Variants in SPPL2B observed in about 807,000 individuals in gnomAD.
SPPL2B encodes the protein signal peptide peptidase-like 2B.
SPPL2B carries 39 observed loss-of-function variants against 59.7 expected under a neutral mutation model. The ratio of observed to expected loss-of-function variants is 0.65; its 90% CI spans 0.51 to 0.85. SPPL2B has a LOEUF of 0.85. Ranked by LOEUF, SPPL2B falls within the 40% of genes least tolerant of loss-of-function variation. The pLI, the probability that SPPL2B is intolerant of heterozygous loss-of-function variation, is 0.00. For missense variants in SPPL2B, 865 were observed against 849.0 expected, an observed-to-expected ratio of 1.02 and a Z score of -0.23; for synonymous variants, 419 against 370.8, an observed-to-expected ratio of 1.13 and a Z score of -1.49.
intron 14 of SPPL2B, among the ~76,000 whole-genome samples, chr19:2,352,714 C>T (rs1398693172): frequency 2.0e-5 from 3 of 152,182 alleles, no homozygotes; most frequent in African/African-American, 7.2e-5. Flanking sequence ...TGCACAGCTC[C>T]CAGCCTCTGC....
At position 2,347,150 on chromosome 19, in the gene SPPL2B, C is replaced by CGCCTG. The variant is rs1568447752; in HGVS notation, c.1354+1820_1354+1821insGCCTG. On this transcript the variant is annotated intron_variant, in intron 13 of 14. Transcript: ENST00000613503. ...CCACACACACTTACGCGCTCTCATT[C>CGCCTG]ACCTGATTCCGTTCTCTCTCCACAC... is the stretch of plus-strand genomic sequence containing the variant. Among the ~76,000 whole-genome samples, 107 of 146,658 alleles carry CGCCTG rather than the reference C, an allele frequency of 7.3e-4. 4 individuals are homozygous for CGCCTG. Among genetic ancestry groups the CGCCTG allele is most frequent in the Non-Finnish European group, 1.1e-3 (71 of 67,314 alleles).
intron 8 of SPPL2B, chr19:2,341,358 C>T (rs576508751): frequency 1.8e-5 from 9 of 508,568 alleles, no homozygotes; most frequent in African/African-American, 5.7e-5. Flanking sequence ...CTGGCACCCA[C>T]GTGCACGCCG....
At chr19:2,336,400 G>A (rs1043639313) in intron 2 of SPPL2B, among the ~76,000 whole-genome samples, 1 of 152,110 alleles carries the variant, frequency 6.6e-6, no homozygotes, top group Non-Finnish European at 1.5e-5. Flanking sequence ...CTGTGTGTAT[G>A]TGTGTGTACA....
intron 2 of SPPL2B, among the ~76,000 whole-genome samples, chr19:2,334,988 C>T (rs1031542710): frequency 3.3e-5 from 5 of 152,094 alleles, no homozygotes; most frequent in African/African-American, 2.4e-5. Flanking sequence ...CTGCTCCATG[C>T]CGGGGACCCT....
chr19:2,339,776 G>A, intron 5 of SPPL2B, 48 bp from the exon 6 acceptor site: 1 of 1,583,146 alleles, frequency 6.3e-7, no homozygotes, highest in African/African-American at 1.3e-5. Context: ...CGAGCCCCGT[G>A]TCGGCCAGCC....
intron 13 of SPPL2B, among the ~76,000 whole-genome samples, chr19:2,347,319 TCA>T (rs1195254120): frequency 3.5e-5 from 3 of 86,674 alleles, no homozygotes; most frequent in Non-Finnish European, 4.7e-5. Context: ...CCACACACAC[TCA>T]CGCGCTCTCA....
intron 13 of SPPL2B, among the ~76,000 whole-genome samples, chr19:2,345,935 G>A (rs1489491564): frequency 6.6e-6 from 1 of 151,318 alleles, no homozygotes; most frequent in African/African-American, 2.4e-5. Flanking sequence ...TTCTCCCTGG[G>A]CCTGTGCCTC....
intron 13 of SPPL2B, among the ~76,000 whole-genome samples, chr19:2,350,766 G>A (rs1466547653): frequency 6.6e-6 from 1 of 152,268 alleles, no homozygotes; most frequent in Non-Finnish European, 1.5e-5. Context: ...CAGGACGCGG[G>A]TGGGTTCTAG....
intron 14 of SPPL2B, among the ~76,000 whole-genome samples, chr19:2,352,286 G>C (rs2145213593): frequency 6.6e-6 from 1 of 152,288 alleles, no homozygotes; most frequent in East Asian, 1.9e-4. Context: ...GCGCCTCTTG[G>C]AGTCCATGAC....
chr19:2,339,726 C>G lies in SPPL2B; in HGVS notation c.600-98C>G, dbSNP rs1215296385. The G allele has an allele frequency of 1.2e-5, 17 of 1,446,970 alleles. No individual in the cohort carries two copies. In the South Asian group the frequency reaches 2.1e-4, roughly 18 times the overall value. The allele number at this position is 1,446,970 out of a possible 1,614,324, so 89.6% of individuals were successfully genotyped here. ...TCCCCCCCGGGTCCCCTCCTGCTCC[C>G]GGGTTTTCTGCCCCGTTCCCCCGGG... On this transcript the variant is annotated intron_variant, in intron 5 of 14. Coordinates refer to ENST00000613503, the MANE Select transcript of SPPL2B (RefSeq NM_152988.3).
chr19:2,353,254 T>C lies in SPPL2B; in HGVS notation c.*45T>C, dbSNP rs1047584091. 5.8e-6 allele frequency: 9 copies of C among 1,560,000 alleles called. No individual in the cohort carries two copies. Among genetic ancestry groups the C allele is most frequent in the African/African-American group, 1.4e-5 (1 of 73,172 alleles). ...CTGCCGTGCCCGCCACACCAAGATG[T>C]TGGGGCTGCCTGGCGCCCACTGGAG... On this transcript the variant is annotated 3_prime_UTR_variant, in exon 15 of 15. Transcript: ENST00000613503.
chr19:2,351,174 C>G (rs965685456), intron 13 of SPPL2B, among the ~76,000 whole-genome samples: 5 of 152,226 alleles, frequency 3.3e-5, no homozygotes, highest in African/African-American at 1.2e-4. Context: ...CTCCCTGTCC[C>G]TCTCCTTGCC....
intron 8 of SPPL2B, 66 bp downstream of exon 8, chr19:2,341,080 G>T: frequency 4.3e-6 from 5 of 1,168,220 alleles, no homozygotes; most frequent in Admixed American, 1.9e-5. Context: ...GGCTCCTGGG[G>T]CCCTGACTCC....
chr19:2,340,116 C>A lies in SPPL2B; in HGVS notation c.783C>A (p.Thr261=). Residue 261 remains threonine (T), a synonymous_variant, in exon 7 of 15, where the codon ACC becomes ACA. Transcript: ENST00000613503. ...GGATCTTCTGCCTGGCCTCCGCCAC[C>A]GGCCTCTACAGCTGCCTGGCGCCCT... The part of the protein sequence containing the change: ...VIGIFCLASA[T]GLYSCLAPCV... The A allele has an allele frequency of 3.1e-6, 5 of 1,594,202 alleles. No homozygotes were observed. Among genetic ancestry groups the A allele is most frequent in the Non-Finnish European group, 4.3e-6 (5 of 1,175,960 alleles).
At chr19:2,351,732 G>T (rs1335216636) in intron 14 of SPPL2B, 138 bp downstream of exon 14, 3 of 1,206,236 alleles carry the variant, frequency 2.5e-6, no homozygotes, top group South Asian at 3.0e-5. Context: ...TTCTGCTTTG[G>T]GTGTCATGCG....
In SPPL2B at chr19:2,337,575, GC is replaced by G. The variant is rs1478738481; in HGVS notation, c.322del (p.Gln108ArgfsTer52). On this transcript the variant is annotated frameshift_variant, in exon 3 of 15. Coordinates refer to ENST00000613503, the MANE Select transcript of SPPL2B (RefSeq NM_152988.3). LOFTEE classifies it high-confidence loss of function. ...NCTFYEKVRL[A>X]QGSGARGLLI... Reference sequence around the variant, plus strand: ...CACCTTCTATGAGAAAGTGAGGCTGGCCCAGGGCAGCGGAGCACGCGGGCTG... The same window carrying G: ...CACCTTCTATGAGAAAGTGAGGCTGGCCAGGGCAGCGGAGCACGCGGGCTG... 6.2e-7 allele frequency: 1 copy of G among 1,608,282 alleles called. No individual in the cohort carries two copies. Among genetic ancestry groups the G allele is most frequent in the Non-Finnish European group, 8.5e-7 (1 of 1,177,786 alleles).
At position 2,340,081 on chromosome 19, in the gene SPPL2B, G is replaced by T. The variant is rs375594733; in HGVS notation, c.748G>T (p.Val250Leu). The T allele has an allele frequency of 7.3e-5, 116 of 1,593,808 alleles. No individual in the cohort carries two copies. In the African/African-American group the frequency reaches 1.2e-3, roughly 17 times the overall value. ...LYYFYDLLVYVVIGIFCLASA... is the reference protein window; with the variant it reads ...LYYFYDLLVYLVIGIFCLASA... ...TCACGGCCCTGCCCCTGCAGTGTAC[G>T]TGGTCATCGGGATCTTCTGCCTGGC... The change falls in exon 7 of 15, where the codon GTG (valine) becomes TTG (leucine). Residue 250 changes from valine (V) to leucine (L), a missense_variant. Coordinates refer to ENST00000613503, the MANE Select transcript of SPPL2B (RefSeq NM_152988.3).
At chr19:2,351,354 G>C in intron 13 of SPPL2B, 80 bp from the exon 14 acceptor site, 2 of 1,233,470 alleles carry the variant, frequency 1.6e-6, no homozygotes, top group East Asian at 2.3e-5. Flanking sequence ...ACCAACCCCA[G>C]CCCGCTCACG....
intron 8 of SPPL2B, chr19:2,342,848 TGA>T: frequency 4.4e-6 from 1 of 229,264 alleles, no homozygotes; most frequent in Non-Finnish European, 8.9e-6. Context: ...GGACAGCGAC[TGA>T]GGGGACGCAG....
Sources: gnomAD v4.1 joint callset for allele counts (sites outside exome capture counted in the v4.1 genomes callset) on GRCh38, gnomAD v4.1.1 for gene constraint, MANE v1.5 for transcripts, NCBI Gene and HGNC (gene_info 2026-07-23, HGNC 2026-07-21) for gene names.